LRTM3: variants seen among roughly 807,000 people sequenced by gnomAD.
The protein encoded by LRTM3 is leucine rich repeat transmembrane protein 3, also known as leucine-rich repeat transmembrane protein 3.
chr13:102,735,947 T>C, the LRTM3 span: 1 of 1,546,596 alleles, frequency 6.5e-7, no homozygotes, highest in Non-Finnish European at 8.7e-7. Context: ...CAAAGAGTAG[T>C]TCTTTCCATT....
chr13:102,733,322 C>T, the LRTM3 span: 1 of 1,551,366 alleles, frequency 6.4e-7, no homozygotes. Context: ...TTTGCTGATT[C>T]TATCATTACT....
the LRTM3 span, among the ~76,000 whole-genome samples, chr13:102,754,606 A>G: frequency 6.6e-6 from 1 of 152,128 alleles, no homozygotes; most frequent in African/African-American, 2.4e-5. Context: ...AAATCATGTG[A>G]CTGATTTTAG....
chr13:102,735,330 G>A, the LRTM3 span: 2 of 1,551,248 alleles, frequency 1.3e-6, no homozygotes, highest in Non-Finnish European at 1.7e-6. Context: ...AGTTCTCCAT[G>A]GGTTGCTTCT....
chr13:102,748,219 A>T, the LRTM3 span: 1 of 1,551,118 alleles, frequency 6.4e-7, no homozygotes, highest in Non-Finnish European at 8.7e-7. Flanking sequence ...TTGTTATGTT[A>T]CTTCCAGTGT....
At chr13:102,740,348 G>C in the LRTM3 span, 1 of 1,550,222 alleles carries the variant, frequency 6.5e-7, no homozygotes, top group Non-Finnish European at 8.7e-7. Context: ...CTTAGTTATA[G>C]TGCTTAGCTG....
At chr13:102,739,531 T>A in the LRTM3 span, 3 of 1,550,298 alleles carry the variant, frequency 1.9e-6, no homozygotes, top group Admixed American at 2.0e-5. Flanking sequence ...TACACAAGTT[T>A]GTCAGTTTCA....
At chr13:102,749,075 A>G in the LRTM3 span, 2 of 1,550,374 alleles carry the variant, frequency 1.3e-6, no homozygotes, top group Non-Finnish European at 1.7e-6. Flanking sequence ...AATAAGATGC[A>G]AAGCTATATC....
At chr13:102,730,994 A>G in the LRTM3 span, 1 of 1,551,488 alleles carries the variant, frequency 6.4e-7, no homozygotes, top group South Asian at 1.2e-5. Context: ...TTCTCTTACA[A>G]TTCTGGGAAA....
chr13:102,736,464 T>A, the LRTM3 span: 1 of 1,551,154 alleles, frequency 6.4e-7, no homozygotes, highest in Non-Finnish European at 8.7e-7. Flanking sequence ...TTTACAAGGC[T>A]CTCTGTTGGC....
At chr13:102,748,579 T>A in the LRTM3 span, 2 of 1,550,886 alleles carry the variant, frequency 1.3e-6, no homozygotes, top group Non-Finnish European at 1.7e-6. Context: ...TCGATTCCAT[T>A]TCAGGAGAGG....
At chr13:102,748,540 TA>T in the LRTM3 span, 1 of 1,550,752 alleles carries the variant, frequency 6.4e-7, no homozygotes. Flanking sequence ...CTGAACTTTG[TA>T]GGTCCTCCTG....
chr13:102,750,171 AC>A, the LRTM3 span: 1 of 1,551,104 alleles, frequency 6.4e-7, no homozygotes, highest in Non-Finnish European at 8.7e-7. Context: ...TGGCTTAGAC[AC>A]GTTTCCTCTA....
At chr13:102,743,818 A>C in the LRTM3 span, 1 of 1,550,300 alleles carries the variant, frequency 6.5e-7, no homozygotes, top group South Asian at 1.2e-5. Flanking sequence ...AACATTTGGC[A>C]TTGAATATAA....
chr13:102,753,765 C>G, the LRTM3 span, among the ~76,000 whole-genome samples: 1 of 152,178 alleles, frequency 6.6e-6, no homozygotes, highest in Non-Finnish European at 1.5e-5. Context: ...AAAGTCTATT[C>G]TTCAACTAAG....
chr13:102,734,332 C>T, the LRTM3 span: 1 of 1,551,378 alleles, frequency 6.4e-7, no homozygotes, highest in Non-Finnish European at 8.7e-7. Context: ...CAAAGGATGT[C>T]TTACCTCCAA....
chr13:102,734,963 C>T, the LRTM3 span: 1 of 1,551,144 alleles, frequency 6.4e-7, no homozygotes, highest in Non-Finnish European at 8.7e-7. Context: ...ACATGTGCCT[C>T]CCTCAGTATC....
At chr13:102,750,341 T>C in the LRTM3 span, 1 of 1,540,186 alleles carries the variant, frequency 6.5e-7, no homozygotes, top group Non-Finnish European at 8.8e-7. Flanking sequence ...TTCCTTTTCT[T>C]CAGATGTAAG....
At chr13:102,750,154 C>T in the LRTM3 span, 1 of 1,551,066 alleles carries the variant, frequency 6.4e-7, no homozygotes, top group Admixed American at 2.0e-5. Flanking sequence ...TGTCTGGATG[C>T]TCTGTATGGC....
the LRTM3 span, chr13:102,735,008 G>T: frequency 4.5e-6 from 7 of 1,551,086 alleles, no homozygotes; most frequent in South Asian, 1.2e-5. Flanking sequence ...GGGAAAAGAG[G>T]GTCTTGTTAA....
Sources: allele counts gnomAD v4.1 joint callset (sites outside exome capture counted in the v4.1 genomes callset), GRCh38; gene constraint gnomAD v4.1.1; transcripts MANE v1.5; gene names NCBI Gene and HGNC (gene_info 2026-07-23, HGNC 2026-07-21).